Variants in CCDC106 observed in about 807,000 individuals in gnomAD.
CCDC106 encodes the protein coiled-coil domain-containing protein 106.
In CCDC106, 17 loss-of-function variants were observed where a neutral mutation model predicts 24.7. That is an observed-to-expected ratio of 0.69 (90% CI 0.47 to 1.03). CCDC106 has a LOEUF of 1.03. CCDC106 is among the 50% of genes least tolerant of loss of function. The pLI is 0.00. For missense variants in CCDC106, 337 were observed against 388.9 expected, an observed-to-expected ratio of 0.87 and a Z score of 1.12; for synonymous variants, 211 against 161.3, an observed-to-expected ratio of 1.31 and a Z score of -2.34.
At chr19:55,650,778 C>G (rs1282990029) in intron 3 of CCDC106, among the ~76,000 whole-genome samples, 1 of 152,190 alleles carries the variant, frequency 6.6e-6, no homozygotes, top group Non-Finnish European at 1.5e-5. Flanking sequence ...GAGCCCTCCC[C>G]TAACCCGCCT....
chr19:55,651,350 C>A lies in CCDC106; in HGVS notation c.381C>A (p.Gly127=), dbSNP rs758903377. The change falls in exon 4 of 5, where the codon GGC becomes GGA. Residue 127 remains glycine (G), a synonymous_variant. Transcript: ENST00000586790. The part of the protein sequence containing the change: ...MEGDSRGGAG[G]EASDPESAAS... Reference sequence around the variant, plus strand: ...GGGACAGCCGTGGTGGGGCTGGGGGCGAGGCCTCGGACCCTGAGTCAGCAG... The same window carrying A: ...GGGACAGCCGTGGTGGGGCTGGGGGAGAGGCCTCGGACCCTGAGTCAGCAG... 7 of 1,612,926 alleles carry A rather than the reference C, an allele frequency of 4.3e-6. No individual in the cohort carries two copies. Among genetic ancestry groups the A allele is most frequent in the Non-Finnish European group, 5.9e-6 (7 of 1,179,624 alleles).
At position 55,649,220 on chromosome 19, in the gene CCDC106, C is replaced by T; in HGVS notation, c.47C>T (p.Thr16Ile). The T allele has an allele frequency of 6.2e-7, 1 of 1,613,888 alleles. No homozygotes were observed. Among genetic ancestry groups the T allele is most frequent in the Non-Finnish European group, 8.5e-7 (1 of 1,179,748 alleles). The change falls in exon 2 of 5, where the codon ACC becomes ATC. Residue 16 changes from threonine to isoleucine, a missense_variant. Thr to Ile is a moderately conservative substitution (Grantham distance 89). Coordinates refer to ENST00000586790, the MANE Select transcript of CCDC106 (RefSeq NM_001370470.1). ...SRRRTMKDDE[T>I]FEISIPFDEA... ...TCCTCTCCAGTGAAGGACGATGAGA[C>T]CTTCGAGATCTCCATTCCCTTCGAT...
rs1438185553 is a variant in CCDC106, at chr19:55,652,424, C to T, written c.527-6C>T. 1.9e-6 allele frequency: 3 copies of T among 1,592,160 alleles called. No homozygotes were observed. The highest frequency in any genetic ancestry group is 1.3e-5 in the African/African-American group (1 of 74,508). The stretch of plus-strand genomic sequence containing the variant: ...TCACTTTCGTGTCCCCGCCTCCACC[C>T]CTCAGTGAAGGACGCCGACGGGGTC... On this transcript the variant is annotated splice_polypyrimidine_tract_variant and splice_region_variant and intron_variant, in intron 4 of 4. Transcript: ENST00000586790. The surrounding 1 kb of genome is among the most constrained non-coding windows in gnomAD (Gnocchi z 5.9).
Position 55,652,434 on chromosome 19 carries a change from G to A in CCDC106, c.531G>A (p.Lys177=). The A allele has an allele frequency of 1.3e-6, 2 of 1,594,866 alleles. No homozygotes were observed. The highest frequency in any genetic ancestry group is 2.3e-5 in the East Asian group (1 of 44,344). ...KPKARERQRV[K]DADGVLCRYK... ...GTCCCCGCCTCCACCCCTCAGTGAA[G>A]GACGCCGACGGGGTCCTCTGCCGGT... is the stretch of plus-strand genomic sequence containing the variant. The change falls in exon 5 of 5, where the codon AAG becomes AAA. Residue 177 remains lysine, a synonymous_variant. Transcript: ENST00000586790. This position sits in a 1 kb window ranked among gnomAD's most constrained non-coding sequence, Gnocchi z 5.9.
At chr19:55,647,914 C>G (rs1348610213), upstream of CCDC106, 1 of 152,216 alleles carries the variant, frequency 6.6e-6, no homozygotes, top group Non-Finnish European at 1.5e-5. Context: ...CGGGGACCCC[C>G]GGAGACTCGC....
rs781413244 is a variant in CCDC106 at position 55,648,999 on chromosome 19, C to T, written c.-48C>T. ...TCCATTTGTGGCTGCCGTTTCTGTC[C>T]AGTGCCCCTGAGGCCCTCGGCTGCT... On this transcript the variant is annotated 5_prime_UTR_variant, in exon 1 of 5. Transcript: ENST00000586790. 8 of 1,597,712 alleles carry T rather than the reference C, an allele frequency of 5.0e-6. No homozygotes were observed. The highest frequency in any genetic ancestry group is 6.9e-6 in the Non-Finnish European group (8 of 1,166,898).
rs1983357788 is a variant in CCDC106, at chr19:55,652,312, C to T, written c.527-118C>T. 9 of 824,202 alleles carry T rather than the reference C, an allele frequency of 1.1e-5. No individual in the cohort carries two copies. The highest frequency in any genetic ancestry group is 2.7e-5 in the East Asian group (1 of 37,646). The allele number at this position is 824,202 out of a possible 1,614,324, so 51.1% of individuals were successfully genotyped here. A position where few individuals can be genotyped will look rare whatever the true frequency, so the allele number is the denominator to read the frequency against. On this transcript the variant is annotated intron_variant, in intron 4 of 4. Coordinates refer to ENST00000586790, the MANE Select transcript of CCDC106 (RefSeq NM_001370470.1). The surrounding 1 kb of genome is among the most constrained non-coding windows in gnomAD (Gnocchi z 5.9). ...TGTTGTTCTCCGTCTCCACCTGCAC[C>T]GGCCCGTGCCTCTGCTCGCCGAGAT... is the stretch of plus-strand genomic sequence containing the variant.
chr19:55,651,981 A>T (rs4801526), intron 4 of CCDC106, among the ~76,000 whole-genome samples: 129,594 of 152,050 alleles, frequency 0.85, 55,802 homozygotes, highest in Admixed American at 0.92. Flanking sequence ...TTTACTTTTA[A>T]GTTTTGGTCC....
Position 55,651,263 on chromosome 19 carries a change from G to A in CCDC106, c.314-20G>A. ...GGATGTCTGGTCCCTTGGTTCATGTGTGTGTCTCCATCTCCCCAGAGGACC... is the reference window on the plus strand; with the variant it reads ...GGATGTCTGGTCCCTTGGTTCATGTATGTGTCTCCATCTCCCCAGAGGACC... On this transcript the variant is annotated intron_variant, in intron 3 of 4. Transcript: ENST00000586790. 1 of 1,579,120 alleles carries A rather than the reference G, an allele frequency of 6.3e-7. No individual in the cohort carries two copies. Among genetic ancestry groups the A allele is most frequent in the Non-Finnish European group, 8.7e-7 (1 of 1,148,300 alleles).
upstream of CCDC106, chr19:55,647,952 T>C (rs956848590): frequency 1.3e-5 from 2 of 152,184 alleles, no homozygotes; most frequent in Admixed American, 1.3e-4. Flanking sequence ...AATTTCGTGA[T>C]GTTCCCTGCC....
At chr19:55,650,353 C>T (rs1983159402) in intron 3 of CCDC106, among the ~76,000 whole-genome samples, 1 of 152,162 alleles carries the variant, frequency 6.6e-6, no homozygotes, top group Admixed American at 6.5e-5. Context: ...ACCCTGTGCC[C>T]TGTTTAATAC....
At chr19:55,651,011 A>G (rs1983221379) in intron 3 of CCDC106, among the ~76,000 whole-genome samples, 1 of 150,416 alleles carries the variant, frequency 6.6e-6, no homozygotes, top group Admixed American at 6.6e-5. Context: ...GCATAGTCAC[A>G]GGGGTCCTGA....
At chr19:55,649,133 C>T in intron 1 of CCDC106, 56 bp downstream of exon 1, 2 of 1,611,262 alleles carry the variant, frequency 1.2e-6, no homozygotes, top group Non-Finnish European at 1.7e-6. Flanking sequence ...CGGCTCCAGG[C>T]TGCCGTGGTT....
In CCDC106 at chr19:55,652,503, G is replaced by A. The variant is rs1483933151; in HGVS notation, c.600G>A (p.Ser200=). 1 of 1,613,142 alleles carries A rather than the reference G, an allele frequency of 6.2e-7. No homozygotes were observed. Among genetic ancestry groups the A allele is most frequent in the South Asian group, 1.1e-5 (1 of 91,016 alleles). ...CCTTCCAGAAGCTCAAGAGCATGTCGCGGGCCTTCGAGCACCACCGCGTGG... is the reference window on the plus strand; with the variant it reads ...CCTTCCAGAAGCTCAAGAGCATGTCACGGGCCTTCGAGCACCACCGCGTGG... ...LGTFQKLKSM[S]RAFEHHRVDR... Residue 200 remains serine (S), a synonymous_variant, in exon 5 of 5, where the codon TCG becomes TCA. Transcript: ENST00000586790. The surrounding 1 kb of genome is among the most constrained non-coding windows in gnomAD (Gnocchi z 5.9).
rs755935967 is a variant in CCDC106 at position 55,652,580 on chromosome 19, C to T, written c.677C>T (p.Ala226Val). ...CCCATCGCCGAGCTGCTCATTGTGGCCCCCGAGAAGCTGGCCGAGGTGGGC... is the reference window on the plus strand; with the variant it reads ...CCCATCGCCGAGCTGCTCATTGTGGTCCCCGAGAAGCTGGCCGAGGTGGGC... ...TTPIAELLIV[A>V]PEKLAEVGEF... Residue 226 changes from alanine to valine, a missense_variant, in exon 5 of 5, where the codon GCC (alanine) becomes GTC (valine). By Grantham distance (64) the Ala-to-Val change is moderately conservative. Coordinates refer to ENST00000586790, the MANE Select transcript of CCDC106 (RefSeq NM_001370470.1). The surrounding 1 kb of genome is among the most constrained non-coding windows in gnomAD (Gnocchi z 5.9). 6.2e-7 allele frequency: 1 copy of T among 1,613,416 alleles called. No individual in the cohort carries two copies. Among genetic ancestry groups the T allele is most frequent in the Admixed American group, 1.7e-5 (1 of 60,024 alleles).
upstream of CCDC106, chr19:55,647,953 G>A (rs1982964789): frequency 6.6e-6 from 1 of 152,288 alleles, no homozygotes; most frequent in East Asian, 1.9e-4. Context: ...ATTTCGTGAT[G>A]TTCCCTGCCT....
intron 3 of CCDC106, 77 bp from the exon 4 acceptor site, chr19:55,651,206 T>C: frequency 8.7e-7 from 1 of 1,145,884 alleles, no homozygotes; most frequent in East Asian, 2.3e-5. Flanking sequence ...GTTCGGGGAC[T>C]GCAGCCTCTC....
intron 3 of CCDC106, among the ~76,000 whole-genome samples, chr19:55,650,954 G>A (rs1458584169): frequency 6.6e-6 from 1 of 152,164 alleles, no homozygotes; most frequent in Admixed American, 6.5e-5. Flanking sequence ...ACTCTCCAGA[G>A]GTCCCGCCCA....
rs761844514 is a variant in CCDC106 at position 55,649,218 on chromosome 19, G to A, written c.45G>A (p.Glu15=). Residue 15 remains glutamate (E), a synonymous_variant, in exon 2 of 5, where the codon GAG becomes GAA. Coordinates refer to ENST00000586790, the MANE Select transcript of CCDC106 (RefSeq NM_001370470.1). ...SSRRRTMKDD[E]TFEISIPFDE... ...TCTCCTCTCCAGTGAAGGACGATGA[G>A]ACCTTCGAGATCTCCATTCCCTTCG... is the stretch of plus-strand genomic sequence containing the variant. The A allele has an allele frequency of 5.6e-6, 9 of 1,613,854 alleles. No individual in the cohort carries two copies. In the Admixed American group the frequency reaches 1.3e-4, roughly 24 times the overall value.
Sources: gnomAD v4.1 joint callset for allele counts (sites outside exome capture counted in the v4.1 genomes callset) on GRCh38, gnomAD v4.1.1 for gene constraint, Gnocchi (gnomAD v3.1) non-coding constraint, MANE v1.5 for transcripts, NCBI Gene and HGNC (gene_info 2026-07-23, HGNC 2026-07-21) for gene names.